The following GJB2 variants were observed in gnomAD, a reference collection of about 807,000 sequenced individuals.
The protein encoded by GJB2 is gap junction protein beta 2.
In GJB2, 30 loss-of-function variants were observed where a neutral mutation model predicts 16.0. That is an observed-to-expected ratio of 1.88 (90% CI 1.41 to 2.55). The LOEUF (loss-of-function observed/expected upper bound fraction) is 2.55. Ranked by LOEUF, GJB2 falls within the 30% of genes most tolerant of loss-of-function variation. The pLI is 0.00. For missense variants in GJB2, 284 were observed against 289.7 expected (o/e 0.98, Z 0.14); for synonymous variants, 123 against 119.1 (o/e 1.03, Z -0.21).
At position 20,188,728 on chromosome 13, in the gene GJB2, T is replaced by A; in HGVS notation, c.*173A>T. 1 of 627,988 alleles carries A rather than the reference T, an allele frequency of 1.6e-6. No individual in the cohort carries two copies. The highest frequency in any genetic ancestry group is 2.8e-6 in the Non-Finnish European group (1 of 353,412). 38.9% of individuals were successfully genotyped at this position (627,988 alleles called of 1,614,324 possible). A position where few individuals can be genotyped will look rare whatever the true frequency, so the allele number is the denominator to read the frequency against. On this transcript the variant is annotated 3_prime_UTR_variant, in exon 2 of 2. Transcript: ENST00000382848. ...TTTTGAGGCTTTAGGGGAGCAGAGC[T>A]CCATTGTGGCATCTGGAGTTTCACC...
chr13:20,189,039 A>C lies in GJB2; in HGVS notation c.543T>G (p.Phe181Leu), dbSNP rs1959056396. ...CAGTCTTCTCCGTGGGCCGGGACACAAAGCAGTCCACAGTGTTGGGACAAG... is the reference window on the plus strand; with the variant it reads ...CAGTCTTCTCCGTGGGCCGGGACACCAAGCAGTCCACAGTGTTGGGACAAG... ...AWPCPNTVDC[F>L]VSRPTEKTVF... Residue 181 changes from phenylalanine (F) to leucine (L), a missense_variant, in exon 2 of 2, where the codon TTT becomes TTG. Transcript: ENST00000382848. The C allele has an allele frequency of 6.2e-7, 1 of 1,614,016 alleles. No homozygotes were observed. Among genetic ancestry groups the C allele is most frequent in the African/African-American group, 1.3e-5 (1 of 74,926 alleles).
chr13:20,189,708 A>C, intron 1 of GJB2, 105 bp from the exon 2 acceptor site: 1 of 864,954 alleles, frequency 1.2e-6, no homozygotes, highest in South Asian at 1.4e-5. Flanking sequence ...CTTCCTGAGC[A>C]AACACCAACT....
chr13:20,191,144 G>C (rs572505555), intron 1 of GJB2, among the ~76,000 whole-genome samples: 1 of 152,294 alleles, frequency 6.6e-6, no homozygotes, highest in Non-Finnish European at 1.5e-5. Context: ...TAGGTGAGCT[G>C]GTTGTCCTGC....
chr13:20,190,377 C>T (rs533583266), intron 1 of GJB2, among the ~76,000 whole-genome samples: 1 of 152,294 alleles, frequency 6.6e-6, no homozygotes, highest in Non-Finnish European at 1.5e-5. Flanking sequence ...TTGGTGGCCT[C>T]ACTGTCAGGC....
intron 1 of GJB2, among the ~76,000 whole-genome samples, chr13:20,192,319 C>T (rs1959081557): frequency 6.6e-6 from 1 of 152,232 alleles, no homozygotes; most frequent in Non-Finnish European, 1.5e-5. Flanking sequence ...GCAGAAGCCG[C>T]TCCAAGAGGT....
rs1300404483 is a variant in GJB2, at chr13:20,187,738, CAT to C, written c.*1161_*1162del. 5 of 152,160 alleles carry C rather than the reference CAT, an allele frequency of 3.3e-5. No individual in the cohort carries two copies. The highest frequency in any genetic ancestry group is 1.9e-4 in the East Asian group (1 of 5,200). 9.4% of individuals were successfully genotyped at this position (152,160 alleles called of 1,614,324 possible). A position where few individuals can be genotyped will look rare whatever the true frequency, so the allele number is the denominator to read the frequency against. On this transcript the variant is annotated 3_prime_UTR_variant, in exon 2 of 2. Transcript: ENST00000382848. ...TAAACCTTAGCTTCTATTCTTTTCA[CAT>C]GTTATTAGCTATATTTTCACTTAAA...
rs1593350389 is a variant in GJB2, at chr13:20,188,236, G to T, written c.*665C>A. ...TGCTGCAAAGTATTCATAACCAAAA[G>T]ACCATATTTCAAATTAAATCATAGT... On this transcript the variant is annotated 3_prime_UTR_variant, in exon 2 of 2. Coordinates refer to ENST00000382848, the MANE Select transcript of GJB2 (RefSeq NM_004004.6). The T allele has an allele frequency of 6.6e-6, 1 of 152,414 alleles. No homozygotes were observed. Among genetic ancestry groups the T allele is most frequent in the Non-Finnish European group, 1.5e-5 (1 of 68,224 alleles). The allele number at this position is 152,414 out of a possible 1,614,324, so 9.4% of individuals were successfully genotyped here.
intron 1 of GJB2, chr13:20,189,850 G>C: frequency 3.7e-6 from 2 of 538,480 alleles, no homozygotes; most frequent in Non-Finnish European, 6.8e-6. Context: ...GTTCACCTGA[G>C]TAATTCACCC....
rs1168930586 is a variant in GJB2 at position 20,191,051 on chromosome 13, G to C, written c.-22-1448C>G. 2.0e-5 allele frequency among the ~76,000 whole-genome samples: 3 copies of C among 152,150 alleles called. No homozygotes were observed. The East Asian group carries it at 5.8e-4, about 29-fold the overall frequency. The stretch of plus-strand genomic sequence containing the variant: ...TGAAACATTTAGCTTCACTGAGCTT[G>C]GGAAAGACAACATCATTGGAAAAAA... On this transcript the variant is annotated intron_variant, in intron 1 of 1. Coordinates refer to ENST00000382848, the MANE Select transcript of GJB2 (RefSeq NM_004004.6).
chr13:20,187,876 A>T lies in GJB2; in HGVS notation c.*1025T>A, dbSNP rs1959048536. ...TCCAAATCTGTTTTTAACGACAGAAACTTCTCCCTCCCCTGCCCCATTTTG... is the reference window on the plus strand; with the variant it reads ...TCCAAATCTGTTTTTAACGACAGAATCTTCTCCCTCCCCTGCCCCATTTTG... On this transcript the variant is annotated 3_prime_UTR_variant, in exon 2 of 2. Coordinates refer to ENST00000382848, the MANE Select transcript of GJB2 (RefSeq NM_004004.6). 1 of 152,196 alleles carries T rather than the reference A, an allele frequency of 6.6e-6. No individual in the cohort carries two copies. Among genetic ancestry groups the T allele is most frequent in the Non-Finnish European group, 1.5e-5 (1 of 68,026 alleles). 9.4% of individuals were successfully genotyped at this position (152,196 alleles called of 1,614,324 possible).
intron 1 of GJB2, 89 bp from the exon 2 acceptor site, chr13:20,189,692 AAAT>A: frequency 9.9e-7 from 1 of 1,010,702 alleles, no homozygotes; most frequent in Non-Finnish European, 1.6e-6. Context: ...AAGCATGCTT[AAAT>A]CTCTTCCTGA....
In GJB2 at chr13:20,192,809, C is replaced by T; in HGVS notation, c.-49G>A. 1 of 153,420 alleles carries T rather than the reference C, an allele frequency of 6.5e-6. No homozygotes were observed. Among genetic ancestry groups the T allele is most frequent in the Non-Finnish European group, 1.5e-5 (1 of 68,502 alleles). 9.5% of individuals were successfully genotyped at this position (153,420 alleles called of 1,614,324 possible). On this transcript the variant is annotated 5_prime_UTR_variant, in exon 1 of 2. Coordinates refer to ENST00000382848, the MANE Select transcript of GJB2 (RefSeq NM_004004.6). ...TGCGTCGGGAGGAAGCGCGGCGGGG[C>T]CGGGGCGGGGGTCTCGGCGTTGGGG... is the stretch of plus-strand genomic sequence containing the variant.
At chr13:20,191,364 T>TA (rs1959075450) in intron 1 of GJB2, among the ~76,000 whole-genome samples, 1 of 152,212 alleles carries the variant, frequency 6.6e-6, no homozygotes, top group Non-Finnish European at 1.5e-5. Context: ...AGGAGGGGTT[T>TA]ATCCTTTGCC....
In GJB2 at chr13:20,187,960, C is replaced by T. The variant is rs1329831134; in HGVS notation, c.*941G>A. On this transcript the variant is annotated 3_prime_UTR_variant, in exon 2 of 2. Transcript: ENST00000382848. ...TTCCCAAGCGACCTCTTTAAATCAG[C>T]GTTCTTTCCGATGCTGGCTACCACA... 6.6e-6 allele frequency: 1 copy of T among 152,156 alleles called. No homozygotes were observed. The highest frequency in any genetic ancestry group is 1.5e-5 in the Non-Finnish European group (1 of 68,030). The allele number at this position is 152,156 out of a possible 1,614,324, so 9.4% of individuals were successfully genotyped here.
chr13:20,192,505 C>T (rs1240898778), intron 1 of GJB2, among the ~76,000 whole-genome samples: 1 of 152,176 alleles, frequency 6.6e-6, no homozygotes, highest in African/African-American at 2.4e-5. Flanking sequence ...GCGCTGGCGG[C>T]TCGCCCGCGC....
rs1959060006 is a variant in GJB2, at chr13:20,189,307, G to C, written c.275C>G (p.Ala92Gly). 1 of 1,613,978 alleles carries C rather than the reference G, an allele frequency of 6.2e-7. No homozygotes were observed. Among genetic ancestry groups the C allele is most frequent in the Non-Finnish European group, 8.5e-7 (1 of 1,180,028 alleles). Residue 92 changes from alanine (A) to glycine (G), a missense_variant, in exon 2 of 2, where the codon GCC (alanine) becomes GGC (glycine). Coordinates refer to ENST00000382848, the MANE Select transcript of GJB2 (RefSeq NM_004004.6). ...IFVSTPALLV[A>G]MHVAYRRHEK... ...ATGTCTCCGGTAGGCCACGTGCATG[G>C]CCACTAGGAGCGCTGGCGTGGACAC...
At chr13:20,192,353 G>T (rs970929588) in intron 1 of GJB2, among the ~76,000 whole-genome samples, 2 of 152,206 alleles carry the variant, frequency 1.3e-5, no homozygotes, top group Admixed American at 1.3e-4. Context: ...TGCAGCGAAG[G>T]CTTCCTGCTT....
Position 20,187,972 on chromosome 13 carries a change from T to C in GJB2, c.*929A>G, listed in dbSNP as rs1409642357. 1.3e-5 allele frequency: 2 copies of C among 152,210 alleles called. No homozygotes were observed. The highest frequency in any genetic ancestry group is 2.9e-5 in the Non-Finnish European group (2 of 68,010). 9.4% of individuals were successfully genotyped at this position (152,210 alleles called of 1,614,324 possible). A position where few individuals can be genotyped will look rare whatever the true frequency, so the allele number is the denominator to read the frequency against. ...CTCTTTAAATCAGCGTTCTTTCCGA[T>C]GCTGGCTACCACAGTCATGGAAAAG... On this transcript the variant is annotated 3_prime_UTR_variant, in exon 2 of 2. Transcript: ENST00000382848.
chr13:20,191,299 T>C (rs1466371437), intron 1 of GJB2, among the ~76,000 whole-genome samples: 3 of 152,104 alleles, frequency 2.0e-5, no homozygotes, highest in Non-Finnish European at 4.4e-5. Context: ...CTCCCCGAAG[T>C]AAACTCTCTC....
Sources: allele counts gnomAD v4.1 joint callset (sites outside exome capture counted in the v4.1 genomes callset), GRCh38; gene constraint gnomAD v4.1.1; transcripts MANE v1.5; gene names NCBI Gene and HGNC (gene_info 2026-07-23, HGNC 2026-07-21).